Variants in DNAJC1 observed in about 807,000 individuals in gnomAD.
The protein encoded by DNAJC1 is DnaJ heat shock protein family (Hsp40) member C1.
In DNAJC1, 58 loss-of-function variants were observed where a neutral mutation model predicts 76.6. The observed-to-expected ratio is 0.76, with a 90% CI of 0.61 to 0.94. The LOEUF is 0.94. Among genes scored for constraint, DNAJC1 ranks in the 40% least tolerant of loss-of-function variants. DNAJC1 has a pLI of 0.00. For missense variants in DNAJC1, 689 were observed against 677.3 expected, an observed-to-expected ratio of 1.02 and a Z score of -0.19; for synonymous variants, 258 against 267.9, an observed-to-expected ratio of 0.96 and a Z score of 0.36.
Position 21,883,251 on chromosome 10 carries a change from A to AACACACACACACACAC in DNAJC1, c.821-828_821-813dup, listed in dbSNP as rs3032395. The stretch of plus-strand genomic sequence containing the variant: ...GGTGACAGAGTGAGATTCTATCTCA[A>AACACACACACACACAC]ACACACACACACACACACACACACA... On this transcript the variant is annotated intron_variant, in intron 7 of 11. Transcript: ENST00000376980. Among the ~76,000 whole-genome samples, 590 of 129,014 alleles carry AACACACACACACACAC rather than the reference A, an allele frequency of 4.6e-3. 6 individuals carry two copies. The highest frequency in any genetic ancestry group is 0.014 in the South Asian group (49 of 3,398). The allele number at this position is 129,014 out of a possible 152,430, so 84.6% of individuals were successfully genotyped here. A position where few individuals can be genotyped will look rare whatever the true frequency, so the allele number is the denominator to read the frequency against.
intron 6 of DNAJC1, among the ~76,000 whole-genome samples, chr10:21,909,658 G>C (rs2131752446): frequency 6.6e-6 from 1 of 152,300 alleles, no homozygotes; most frequent in East Asian, 1.9e-4. Context: ...CTTAAGATTA[G>C]GTGGGGTCAG....
intron 9 of DNAJC1, among the ~76,000 whole-genome samples, chr10:21,775,751 T>C (rs1462438596): frequency 6.6e-6 from 1 of 152,196 alleles, no homozygotes; most frequent in Non-Finnish European, 1.5e-5. Context: ...TTTCAGAAGA[T>C]ATAGGACTTT....
chr10:21,759,261 T>C lies in DNAJC1; in HGVS notation c.1505A>G (p.Gln502Arg), dbSNP rs1268826834. 6.2e-7 allele frequency: 1 copy of C among 1,614,242 alleles called. No homozygotes were observed. The highest frequency in any genetic ancestry group is 1.7e-5 in the Admixed American group (1 of 60,028). ...SAEEPWTQNQ[Q>R]KLLELALQQY... ...CTGCAACGCCAGTTCCAGAAGTTTC[T>C]GTTGATTTTGAGTCCACGGCTCCTC... The change falls in exon 11 of 12, where the codon CAG (glutamine) becomes CGG (arginine). Residue 502 changes from glutamine to arginine, a missense_variant. Physicochemically the swap from Gln to Arg is conservative, Grantham distance 43. Coordinates refer to ENST00000376980, the MANE Select transcript of DNAJC1 (RefSeq NM_022365.4).
At chr10:21,972,169 T>C (rs1318775429) in intron 1 of DNAJC1, among the ~76,000 whole-genome samples, 1 of 151,962 alleles carries the variant, frequency 6.6e-6, no homozygotes, top group Non-Finnish European at 1.5e-5. Context: ...ACTCCAAATA[T>C]TGTTATTAGA....
chr10:21,800,250 TG>T (rs1834799261), intron 9 of DNAJC1, among the ~76,000 whole-genome samples: 1 of 152,194 alleles, frequency 6.6e-6, no homozygotes, highest in South Asian at 2.1e-4. Flanking sequence ...TTTCACTTCA[TG>T]GGCAATGGTG....
chr10:21,781,504 G>A (rs1485793123), intron 9 of DNAJC1, among the ~76,000 whole-genome samples: 2 of 152,048 alleles, frequency 1.3e-5, no homozygotes, highest in African/African-American at 2.4e-5. Flanking sequence ...GGCAGATCAC[G>A]AGGTCAGGAG....
At chr10:21,881,970 C>T (rs1348486794) in intron 8 of DNAJC1, among the ~76,000 whole-genome samples, 8 of 151,256 alleles carry the variant, frequency 5.3e-5, no homozygotes, top group Non-Finnish European at 7.4e-5. Flanking sequence ...CTGGCTAACA[C>T]GGTGAAACCC....
chr10:21,829,344 G>C (rs1835317541), intron 8 of DNAJC1, among the ~76,000 whole-genome samples: 1 of 152,082 alleles, frequency 6.6e-6, no homozygotes, highest in South Asian at 2.1e-4. Flanking sequence ...CTCCCGGGTA[G>C]GCGGGACTAC....
intron 1 of DNAJC1, among the ~76,000 whole-genome samples, chr10:22,001,703 A>C (rs1432924887): frequency 2.6e-5 from 4 of 152,216 alleles, no homozygotes. Flanking sequence ...TGTTCTCTTA[A>C]AGGCACTTAA....
intron 10 of DNAJC1, among the ~76,000 whole-genome samples, chr10:21,761,223 A>G (rs1340818109): frequency 6.6e-6 from 1 of 152,162 alleles, no homozygotes; most frequent in East Asian, 1.9e-4. Flanking sequence ...TTCCTTTTCT[A>G]CAGTAATGTT....
chr10:21,881,998 C>G (rs1276048041), intron 8 of DNAJC1, among the ~76,000 whole-genome samples: 1 of 151,768 alleles, frequency 6.6e-6, no homozygotes, highest in African/African-American at 2.4e-5. Context: ...ACTAAAAACA[C>G]AAAAAATTAG....
intron 8 of DNAJC1, among the ~76,000 whole-genome samples, chr10:21,850,830 G>C (rs1313958664): frequency 6.6e-6 from 1 of 152,066 alleles, no homozygotes; most frequent in African/African-American, 2.4e-5. Context: ...CAGACACATA[G>C]AACAAGAGAA....
intron 8 of DNAJC1, among the ~76,000 whole-genome samples, chr10:21,880,374 C>T (rs534879931): frequency 6.6e-6 from 1 of 152,258 alleles, no homozygotes; most frequent in East Asian, 1.9e-4. Context: ...AAATCCTTCC[C>T]AGAAAGTTTT....
chr10:21,802,737 C>T (rs1056631335), intron 9 of DNAJC1, among the ~76,000 whole-genome samples: 1 of 152,142 alleles, frequency 6.6e-6, no homozygotes, highest in African/African-American at 2.4e-5. Context: ...AATCAGTTTA[C>T]ATCCTTTCAG....
intron 9 of DNAJC1, among the ~76,000 whole-genome samples, chr10:21,804,942 C>T (rs1028991829): frequency 5.3e-5 from 8 of 152,046 alleles, no homozygotes; most frequent in Non-Finnish European, 8.8e-5. Flanking sequence ...TGAGCGCCAA[C>T]GTGACGGATT....
intron 10 of DNAJC1, among the ~76,000 whole-genome samples, chr10:21,761,931 T>C (rs1834245996): frequency 6.6e-6 from 1 of 152,328 alleles, no homozygotes; most frequent in African/African-American, 2.4e-5. Flanking sequence ...TTTTTTGAGA[T>C]GGAGTCTCAC....
intron 1 of DNAJC1, among the ~76,000 whole-genome samples, chr10:22,000,540 A>C (rs1330024117): frequency 6.6e-6 from 1 of 152,214 alleles, no homozygotes; most frequent in Non-Finnish European, 1.5e-5. Context: ...TCAAACGCTA[A>C]GCAAGCTCTT....
At chr10:21,844,213 T>C (rs1197028073) in intron 8 of DNAJC1, among the ~76,000 whole-genome samples, 2 of 152,136 alleles carry the variant, frequency 1.3e-5, no homozygotes, top group Non-Finnish European at 2.9e-5. Flanking sequence ...TGGACCAATA[T>C]ACTCAGTCTC....
intron 9 of DNAJC1, among the ~76,000 whole-genome samples, chr10:21,786,463 T>TATAGAG (rs1332368009): frequency 1.7e-4 from 4 of 23,400 alleles, no homozygotes; most frequent in Non-Finnish European, 3.0e-4. Context: ...TATATATATA[T>TATAGAG]AGAGAGAGAG....
Sources: gnomAD v4.1 joint callset for allele counts (sites outside exome capture counted in the v4.1 genomes callset) on GRCh38, gnomAD v4.1.1 for gene constraint, MANE v1.5 for transcripts, NCBI Gene and HGNC (gene_info 2026-07-23, HGNC 2026-07-21) for gene names.